Variants in AGAP3 observed in about 807,000 individuals in gnomAD.
The protein encoded by AGAP3 is arf-GAP with GTPase, ANK repeat and PH domain-containing protein 3.
AGAP3 carries 24 observed loss-of-function variants against 96.9 expected under a neutral mutation model. The observed-to-expected ratio is 0.25, with a 90% CI of 0.18 to 0.35. The LOEUF (loss-of-function observed/expected upper bound fraction) is 0.35. Ranked by LOEUF, AGAP3 falls within the 10% of genes least tolerant of loss-of-function variation. The pLI is 1.00. For synonymous variants in AGAP3, 563 were observed against 536.1 expected, an observed-to-expected ratio of 1.05 and a Z score of -0.69; for missense variants, 876 against 1,254.2, an observed-to-expected ratio of 0.70 and a Z score of 4.55.
chr7:151,106,582 A>G (rs1294011793), intron 1 of AGAP3, among the ~76,000 whole-genome samples: 1 of 152,012 alleles, frequency 6.6e-6, no homozygotes, highest in Non-Finnish European at 1.5e-5. Context: ...GGTTCAAGCA[A>G]TTCTCCTGCC....
intron 8 of AGAP3, chr7:151,122,949 T>G: frequency 6.9e-7 from 1 of 1,441,276 alleles, no homozygotes; most frequent in Non-Finnish European, 9.1e-7. Flanking sequence ...CAGGGAAGGC[T>G]AGGAGCGCCG....
intron 11 of AGAP3, 78 bp downstream of exon 11, chr7:151,134,646 G>T: frequency 7.0e-7 from 1 of 1,428,596 alleles, no homozygotes; most frequent in Non-Finnish European, 9.5e-7. Context: ...GGGCTTGGCT[G>T]CTTCTCAGCC....
chr7:151,113,575 G>C (rs191471883), intron 1 of AGAP3, among the ~76,000 whole-genome samples: 1 of 152,236 alleles, frequency 6.6e-6, no homozygotes, highest in Non-Finnish European at 1.5e-5. Context: ...GGGCTGGACT[G>C]GGGGTGGAGG....
rs1585068256 is a variant in AGAP3 at position 151,114,958 on chromosome 7, G to A, written c.332-1835G>A. Reference sequence around the variant, plus strand: ...GCGCGGCCGCGGAGCGTGTGCTCGGGCGGCCCGGAGCCGCCGCCCACCGGC... The same window carrying A: ...GCGCGGCCGCGGAGCGTGTGCTCGGACGGCCCGGAGCCGCCGCCCACCGGC... On this transcript the variant is annotated intron_variant, in intron 1 of 17. Coordinates refer to ENST00000397238, the MANE Select transcript of AGAP3 (RefSeq NM_031946.7). This position sits in a 1 kb window ranked among gnomAD's most constrained non-coding sequence, Gnocchi z 4.4. 1 of 982,570 alleles carries A rather than the reference G, an allele frequency of 1.0e-6. No individual in the cohort carries two copies. Among genetic ancestry groups the A allele is most frequent in the South Asian group, 4.6e-5 (1 of 21,614 alleles). 60.9% of individuals were successfully genotyped at this position (982,570 alleles called of 1,614,324 possible).
intron 9 of AGAP3, 137 bp downstream of exon 9, chr7:151,124,023 C>G: frequency 1.1e-6 from 1 of 882,708 alleles, no homozygotes; most frequent in Non-Finnish European, 1.7e-6. Context: ...AGGCGGAGTC[C>G]TTAACAAGGG....
At chr7:151,127,548 G>C (rs1800229470) in intron 9 of AGAP3, among the ~76,000 whole-genome samples, 1 of 152,142 alleles carries the variant, frequency 6.6e-6, no homozygotes. Context: ...CAGCCCTCTT[G>C]AGTTGGGGAT....
At chr7:151,102,263 A>AG (rs1219190542) in intron 1 of AGAP3, among the ~76,000 whole-genome samples, 1 of 152,236 alleles carries the variant, frequency 6.6e-6, no homozygotes, top group Non-Finnish European at 1.5e-5. Context: ...GCAGCCCAGT[A>AG]GGTACTGCTA....
intron 8 of AGAP3, chr7:151,121,004 C>T (rs1390898556): frequency 7.4e-6 from 2 of 270,108 alleles, no homozygotes; most frequent in Non-Finnish European, 1.2e-5. Context: ...CGAGAGCGCC[C>T]GCCCCTCCGC....
chr7:151,118,540 C>A lies in AGAP3; in HGVS notation c.877C>A (p.Gln293Lys). Residue 293 changes from glutamine (Q) to lysine (K), a missense_variant, in exon 7 of 18, where the codon CAA (glutamine) becomes AAA (lysine). This residue lies in a region of AGAP3 where 100 missense variants were observed against 129.4 expected (regional missense o/e 0.77). Coordinates refer to ENST00000397238, the MANE Select transcript of AGAP3 (RefSeq NM_031946.7). This position sits in a 1 kb window ranked among gnomAD's most constrained non-coding sequence, Gnocchi z 6.1. Reference protein sequence around the residue: ...QKVVALRKKQQLAIGPCKSLP... With the variant: ...QKVVALRKKQKLAIGPCKSLP... The stretch of plus-strand genomic sequence containing the variant: ...GGTAGTGGCCTTGCGAAAGAAGCAG[C>A]AACTGGCCATCGGGCCCTGCAAGTC... 6.2e-7 allele frequency: 1 copy of A among 1,614,186 alleles called. No homozygotes were observed. The highest frequency in any genetic ancestry group is 8.5e-7 in the Non-Finnish European group (1 of 1,180,040).
In AGAP3 at chr7:151,114,601, C is replaced by A; in HGVS notation, c.332-2192C>A. 1 of 576,328 alleles carries A rather than the reference C, an allele frequency of 1.7e-6. No individual in the cohort carries two copies. Among genetic ancestry groups the A allele is most frequent in the Non-Finnish European group, 2.2e-6 (1 of 454,264 alleles). 35.7% of individuals were successfully genotyped at this position (576,328 alleles called of 1,614,324 possible). ...CTCTCCGGGCTGGGCTGACTCCCGG[C>A]CTCTCCAGGTCTGGGCTTGCCGGCC... is the stretch of plus-strand genomic sequence containing the variant. On this transcript the variant is annotated intron_variant, in intron 1 of 17. Coordinates refer to ENST00000397238, the MANE Select transcript of AGAP3 (RefSeq NM_031946.7). This position sits in a 1 kb window ranked among gnomAD's most constrained non-coding sequence, Gnocchi z 4.4.
At chr7:151,100,867 A>ATAC (rs2150422026) in intron 1 of AGAP3, among the ~76,000 whole-genome samples, 1 of 152,214 alleles carries the variant, frequency 6.6e-6, no homozygotes, top group African/African-American at 2.4e-5. Flanking sequence ...AATAATAATA[A>ATAC]TAAATAGACC....
Position 151,142,263 on chromosome 7 carries a change from A to G in AGAP3, c.2050+10A>G. The G allele has an allele frequency of 6.2e-7, 1 of 1,611,998 alleles. No homozygotes were observed. Among genetic ancestry groups the G allele is most frequent in the Non-Finnish European group, 8.5e-7 (1 of 1,179,388 alleles). ...GACTGCGATGCACCCAGTGAGTGCAAGGCTGGTGGGGCTGGGAGCTGGGGA... is the reference window on the plus strand; with the variant it reads ...GACTGCGATGCACCCAGTGAGTGCAGGGCTGGTGGGGCTGGGAGCTGGGGA... On this transcript the variant is annotated intron_variant, in intron 15 of 17. Transcript: ENST00000397238. The surrounding 1 kb of genome is among the most constrained non-coding windows in gnomAD (Gnocchi z 7.5).
At chr7:151,120,571 A>G in intron 8 of AGAP3, 1 of 1,238,298 alleles carries the variant, frequency 8.1e-7, no homozygotes, top group South Asian at 1.3e-5. Context: ...ACAGAGGGTT[A>G]GCTGGCCCAG....
rs564448780 is a variant in AGAP3 at position 151,118,701 on chromosome 7, A to T, written c.969+69A>T. ...CTGTCTTGCCTCTGTGCGTCCTGCC[A>T]CTTCTGCTGGCCTCCTGCTCACACC... On this transcript the variant is annotated intron_variant, in intron 7 of 17. Transcript: ENST00000397238. The surrounding 1 kb of genome is among the most constrained non-coding windows in gnomAD (Gnocchi z 6.1). The T allele has an allele frequency of 5.1e-6, 8 of 1,572,270 alleles. No homozygotes were observed. In the African/African-American group the frequency reaches 1.1e-4, roughly 21 times the overall value.
Position 151,114,863 on chromosome 7 carries a change from G to A in AGAP3, c.332-1930G>A, listed in dbSNP as rs1385529763. 1.9e-5 allele frequency: 20 copies of A among 1,030,212 alleles called. No individual in the cohort carries two copies. Among genetic ancestry groups the A allele is most frequent in the Non-Finnish European group, 2.3e-5 (20 of 861,008 alleles). The allele number at this position is 1,030,212 out of a possible 1,614,324, so 63.8% of individuals were successfully genotyped here. A position where few individuals can be genotyped will look rare whatever the true frequency, so the allele number is the denominator to read the frequency against. ...ACAGCGTCTGCGACTCGCTGGACCT[G>A]CACGGCGCCTCGGCCGGCCGCGCTG... On this transcript the variant is annotated intron_variant, in intron 1 of 17. Coordinates refer to ENST00000397238, the MANE Select transcript of AGAP3 (RefSeq NM_031946.7). This position sits in a 1 kb window ranked among gnomAD's most constrained non-coding sequence, Gnocchi z 4.4.
intron 1 of AGAP3, among the ~76,000 whole-genome samples, chr7:151,105,489 C>T (rs1214968862): frequency 1.3e-5 from 2 of 151,600 alleles, no homozygotes; most frequent in East Asian, 1.9e-4. Context: ...GTCATGGTGG[C>T]TCACACCTGT....
Position 151,093,356 on chromosome 7 carries a change from G to C in AGAP3, c.331+6284G>C, listed in dbSNP as rs547988339. Among the ~76,000 whole-genome samples, 768 of 152,246 alleles carry C rather than the reference G, an allele frequency of 5.0e-3. 4 individuals are homozygous for C. The highest frequency in any genetic ancestry group is 8.5e-3 in the Non-Finnish European group (575 of 68,016). The stretch of plus-strand genomic sequence containing the variant: ...GGGTCTTGCTATGTTGTTTGGCCTG[G>C]TCTTGAACTCCTGGACTCAAGCAAT... On this transcript the variant is annotated intron_variant, in intron 1 of 17. Coordinates refer to ENST00000397238, the MANE Select transcript of AGAP3 (RefSeq NM_031946.7).
At position 151,114,817 on chromosome 7, in the gene AGAP3, C is replaced by G; in HGVS notation, c.332-1976C>G. ...GGGGACAGCTGTCCCGGGGAGCGGC[C>G]CGCCGCTTGCCGCCGCGCCCACAGC... On this transcript the variant is annotated intron_variant, in intron 1 of 17. Transcript: ENST00000397238. This position sits in a 1 kb window ranked among gnomAD's most constrained non-coding sequence, Gnocchi z 4.4. The G allele has an allele frequency of 9.5e-7, 1 of 1,055,954 alleles. No individual in the cohort carries two copies. The allele number at this position is 1,055,954 out of a possible 1,614,324, so 65.4% of individuals were successfully genotyped here.
intron 11 of AGAP3, among the ~76,000 whole-genome samples, chr7:151,135,868 A>AC (rs1369426244): frequency 6.6e-6 from 1 of 152,144 alleles, no homozygotes; most frequent in Non-Finnish European, 1.5e-5. Context: ...TAAGTGGGAG[A>AC]CCTAGGGTTC....
Sources: allele counts gnomAD v4.1 joint callset (sites outside exome capture counted in the v4.1 genomes callset), GRCh38; gene constraint gnomAD v4.1.1; regional missense constraint gnomAD v4.1.1; non-coding constraint Gnocchi (gnomAD v3.1); transcripts MANE v1.5; gene names NCBI Gene and HGNC (gene_info 2026-07-23, HGNC 2026-07-21).